The following TAF15 variants were observed in gnomAD, a reference collection of about 807,000 sequenced individuals.
The protein encoded by TAF15 is TATA-box binding protein associated factor 15, also known as TATA-binding protein-associated factor 2N.
A neutral mutation model predicts 102.5 loss-of-function variants in TAF15; 37 were observed. The ratio of observed to expected loss-of-function variants is 0.36; its 90% CI spans 0.28 to 0.47. The LOEUF is 0.47. Ranked by LOEUF, TAF15 falls within the 20% of genes least tolerant of loss-of-function variation. The pLI is 0.99. For synonymous variants in TAF15, 273 were observed against 259.2 expected (o/e 1.05, Z -0.51); for missense variants, 652 against 760.7 (o/e 0.86, Z 1.68).
intron 6 of TAF15, chr17:35,823,825 C>A: frequency 1.9e-6 from 1 of 535,258 alleles, no homozygotes; most frequent in Non-Finnish European, 3.4e-6. Flanking sequence ...TGCCATGTCA[C>A]TTTAGCAGAA....
intron 7 of TAF15, among the ~76,000 whole-genome samples, chr17:35,827,296 A>C (rs566988896): frequency 8.9e-4 from 134 of 150,678 alleles, no homozygotes; most frequent in Middle Eastern, 3.4e-3. Flanking sequence ...AGATCGCACC[A>C]CTGCACTCCA....
At position 35,836,184 on chromosome 17, in the gene TAF15, G is replaced by A. The variant is rs144851351; in HGVS notation, c.726G>A (p.Gly242=). Residue 242 remains glycine (G), a synonymous_variant, in exon 10 of 16, where the codon GGG becomes GGA. Coordinates refer to ENST00000605844, the MANE Select transcript of TAF15 (RefSeq NM_139215.3). The part of the protein sequence containing the change: ...DNNTIFVQGL[G]EGVSTDQVGE... ...ACACAATCTTTGTGCAAGGACTTGG[G>A]GAGGGTGTGTCTACAGATCAAGTTG... The A allele has an allele frequency of 1.1e-3, 1,812 of 1,613,728 alleles. 2 individuals carry two copies. Among genetic ancestry groups the A allele is most frequent in the Non-Finnish European group, 1.4e-3 (1,597 of 1,179,774 alleles).
chr17:35,826,562 T>TGG (rs1239846273), intron 7 of TAF15, among the ~76,000 whole-genome samples: 52 of 150,560 alleles, frequency 3.5e-4, no homozygotes, highest in Middle Eastern at 3.4e-3. Flanking sequence ...CATATAATTT[T>TGG]TTTTTTTTTT....
Position 35,836,137 on chromosome 17 carries a change from G to C in TAF15, c.679G>C (p.Glu227Gln). Residue 227 changes from glutamate (E) to glutamine (Q), a missense_variant, in exon 10 of 16, where the codon GAA (glutamate) becomes CAA (glutamine). Glu to Gln is a conservative substitution (Grantham distance 29). This residue lies in a region of TAF15 where 243 missense variants were observed against 284.1 expected (regional missense o/e 0.86). Transcript: ENST00000605844. ...CATCACTTTTTTTCTCTTAGATTCA[G>C]AATCTGATAATTCAGATAACAACAC... ...DYGPRTDADS[E>Q]SDNSDNNTIF... 1 of 1,608,916 alleles carries C rather than the reference G, an allele frequency of 6.2e-7. No individual in the cohort carries two copies. The highest frequency in any genetic ancestry group is 8.5e-7 in the Non-Finnish European group (1 of 1,175,448).
chr17:35,820,828 G>T (rs2087249701), intron 5 of TAF15, among the ~76,000 whole-genome samples: 1 of 151,862 alleles, frequency 6.6e-6, no homozygotes, highest in Non-Finnish European at 1.5e-5. Flanking sequence ...TTTTTAAAAG[G>T]GTCAAAACTT....
At chr17:35,817,581 T>C in intron 1 of TAF15, 135 bp from the exon 2 acceptor site, 1 of 748,294 alleles carries the variant, frequency 1.3e-6, no homozygotes, top group Non-Finnish European at 2.3e-6. Flanking sequence ...TGTTTCATAG[T>C]ATTTAACTTG....
At chr17:35,826,149 A>G (rs929843330) in intron 7 of TAF15, among the ~76,000 whole-genome samples, 1 of 152,130 alleles carries the variant, frequency 6.6e-6, no homozygotes, top group Non-Finnish European at 1.5e-5. Context: ...ACTGACTTAT[A>G]AACTAAATTT....
intron 9 of TAF15, among the ~76,000 whole-genome samples, chr17:35,835,297 T>C (rs2087460632): frequency 6.6e-6 from 1 of 152,244 alleles, no homozygotes; most frequent in Non-Finnish European, 1.5e-5. Flanking sequence ...GGTAGTCTGC[T>C]TAAGTGTGCT....
intron 1 of TAF15, among the ~76,000 whole-genome samples, chr17:35,813,992 T>TTTTTTG (rs534112016): frequency 7.3e-6 from 1 of 137,600 alleles, no homozygotes; most frequent in South Asian, 2.9e-4. Flanking sequence ...TTCTGTTTTT[T>TTTTTTG]TTGTTGTTGT....
At chr17:35,833,156 CA>C (rs35393517) in intron 7 of TAF15, among the ~76,000 whole-genome samples, 40,739 of 137,400 alleles carry the variant, frequency 0.3, 6,107 homozygotes, top group African/African-American at 0.44. Flanking sequence ...GACTCTGTCT[CA>C]AAAAAAAAAA....
At chr17:35,844,008 A>T in intron 12 of TAF15, 69 bp from the exon 13 acceptor site, 10 of 1,352,996 alleles carry the variant, frequency 7.4e-6, no homozygotes, top group Middle Eastern at 2.2e-4. Context: ...CTCTTATGTT[A>T]TCTGATGCTT....
rs770880724 is a variant in TAF15, at chr17:35,820,222, A to C, written c.158A>C (p.Tyr53Ser). Residue 53 changes from tyrosine to serine, a missense_variant, in exon 4 of 16, where the codon TAC becomes TCC. Physicochemically the swap from Tyr to Ser is moderately radical, Grantham distance 144. Coordinates refer to ENST00000605844, the MANE Select transcript of TAF15 (RefSeq NM_139215.3). ...TCTTATGGACAGAACTACAGCGGTT[A>C]CTCCAGTTATGGACAAAGTCAGTCA... ...DSSYGQNYSG[Y>S]SSYGQSQSGY... The C allele has an allele frequency of 1.2e-6, 2 of 1,614,066 alleles. No homozygotes were observed. The highest frequency in any genetic ancestry group is 1.7e-6 in the Non-Finnish European group (2 of 1,179,948).
intron 7 of TAF15, among the ~76,000 whole-genome samples, chr17:35,824,828 T>C (rs917293575): frequency 3.9e-5 from 6 of 152,334 alleles, no homozygotes; most frequent in East Asian, 1.9e-4. Flanking sequence ...GCTAGTGTTA[T>C]CAGGTTTTGG....
chr17:35,831,995 A>T (rs370190267), intron 7 of TAF15, among the ~76,000 whole-genome samples: 2 of 152,028 alleles, frequency 1.3e-5, no homozygotes, highest in African/African-American at 4.8e-5. Context: ...GGAGAATGGC[A>T]TGAACCCGGG....
At chr17:35,845,826 C>T (rs529520821) in intron 15 of TAF15, among the ~76,000 whole-genome samples, 272 of 152,256 alleles carry the variant, frequency 1.8e-3, no homozygotes, top group African/African-American at 3.2e-3. Context: ...TTATTTGTTT[C>T]GGTGTATCTG....
chr17:35,823,938 A>G, intron 6 of TAF15, 140 bp from the exon 7 acceptor site: 1 of 1,041,134 alleles, frequency 9.6e-7, no homozygotes, highest in South Asian at 1.3e-5. Flanking sequence ...AGATGATTTT[A>G]TGATGACTTG....
At chr17:35,820,757 T>C (rs2087248712) in intron 5 of TAF15, among the ~76,000 whole-genome samples, 1 of 152,160 alleles carries the variant, frequency 6.6e-6, no homozygotes, top group East Asian at 1.9e-4. Flanking sequence ...ACATCTATTT[T>C]TAAATTTCCA....
In TAF15 at chr17:35,844,151, C is replaced by T. The variant is rs1385425941; in HGVS notation, c.1081C>T (p.Pro361Ser). Residue 361 changes from proline (P) to serine (S), a missense_variant, in exon 13 of 16, where the codon CCT (proline) becomes TCT (serine). Physicochemically the swap from Pro to Ser is moderately conservative, Grantham distance 74. Around this residue, in one of 3 missense-constraint regions of TAF15, gnomAD observed 368 missense variants for 367.5 expected, o/e 1.00. Coordinates refer to ENST00000605844, the MANE Select transcript of TAF15 (RefSeq NM_139215.3). ...CCCCAAAAGTGGGGATTGGGTTTGC[C>T]CTAATCCGTAAGTGTCTTGTTTACT... ...GDPKSGDWVC[P>S]NPSCGNMNFA... 3.1e-6 allele frequency: 5 copies of T among 1,613,888 alleles called. No individual in the cohort carries two copies. Among genetic ancestry groups the T allele is most frequent in the Non-Finnish European group, 4.2e-6 (5 of 1,179,966 alleles).
intron 11 of TAF15, 96 bp downstream of exon 11, chr17:35,838,649 T>C: frequency 6.4e-7 from 1 of 1,565,114 alleles, no homozygotes; most frequent in Non-Finnish European, 8.7e-7. Flanking sequence ...ATTATATTCA[T>C]GTTTACTTTT....
Sources: gnomAD v4.1 joint callset for allele counts (sites outside exome capture counted in the v4.1 genomes callset) on GRCh38, gnomAD v4.1.1 for gene constraint, gnomAD v4.1.1 regional missense constraint, MANE v1.5 for transcripts, NCBI Gene and HGNC (gene_info 2026-07-23, HGNC 2026-07-21) for gene names.